Variants in ZNF407 observed in about 807,000 individuals in gnomAD.
ZNF407 encodes zinc finger protein 407.
ZNF407 carries 17 observed loss-of-function variants against 131.2 expected under a neutral mutation model. That is an observed-to-expected ratio of 0.13 (90% confidence interval 0.09 to 0.19). The LOEUF (loss-of-function observed/expected upper bound fraction) is 0.19. Ranked by LOEUF, ZNF407 falls within the 10% of genes least tolerant of loss-of-function variation. The pLI, the probability that ZNF407 is intolerant of heterozygous loss-of-function variation, is 1.00. For synonymous variants in ZNF407, 1,156 were observed against 1,062.0 expected, an observed-to-expected ratio of 1.09 and a Z score of -1.72; for missense variants, 2,681 against 2,830.6, an observed-to-expected ratio of 0.95 and a Z score of 1.20.
intron 4 of ZNF407, among the ~76,000 whole-genome samples, chr18:74,802,420 G>A (rs1970035556): frequency 6.6e-6 from 1 of 152,066 alleles, no homozygotes; most frequent in Non-Finnish European, 1.5e-5. Context: ...TGTGGAAAAG[G>A]CATTTTTATT....
intron 3 of ZNF407, among the ~76,000 whole-genome samples, chr18:74,707,831 T>G (rs765832666): frequency 1.3e-5 from 2 of 152,252 alleles, no homozygotes; most frequent in Non-Finnish European, 2.9e-5. Flanking sequence ...CATCTGGTGC[T>G]GTGCTGCCAC....
chr18:74,870,302 T>C (rs1347113319), intron 4 of ZNF407, among the ~76,000 whole-genome samples: 1 of 152,184 alleles, frequency 6.6e-6, no homozygotes, highest in Non-Finnish European at 1.5e-5. Flanking sequence ...CTTTTCCAAC[T>C]AGTTAACAAG....
intron 3 of ZNF407, among the ~76,000 whole-genome samples, chr18:74,756,596 G>A (rs1311557582): frequency 1.3e-5 from 2 of 152,024 alleles, no homozygotes; most frequent in Non-Finnish European, 2.9e-5. Context: ...CTTTGTTAGT[G>A]CATAGAAACA....
chr18:74,821,413 C>G (rs550154189), intron 4 of ZNF407, among the ~76,000 whole-genome samples: 1 of 152,066 alleles, frequency 6.6e-6, no homozygotes, highest in Admixed American at 6.5e-5. Context: ...AATGCTATCC[C>G]TCCCCTAGTC....
intron 4 of ZNF407, among the ~76,000 whole-genome samples, chr18:74,793,383 T>C (rs1219506452): frequency 2.0e-5 from 3 of 152,204 alleles, no homozygotes; most frequent in Non-Finnish European, 4.4e-5. Flanking sequence ...AATAAGGTAG[T>C]TTTGTGTCTT....
At chr18:74,604,159 G>A (rs1401290036) in intron 1 of ZNF407, among the ~76,000 whole-genome samples, 6 of 152,140 alleles carry the variant, frequency 3.9e-5, no homozygotes, top group Non-Finnish European at 7.4e-5. Context: ...GATAAGAGAG[G>A]TCACCTCCTC....
Position 75,035,787 on chromosome 18 carries a change from C to T in ZNF407, c.5429-27363C>T, listed in dbSNP as rs115257171. Among the ~76,000 whole-genome samples the T allele has an allele frequency of 6.3e-3, 965 of 152,288 alleles. 12 individuals are homozygous for T. Among genetic ancestry groups the T allele is most frequent in the African/African-American group, 0.022 (917 of 41,550 alleles). On this transcript the variant is annotated intron_variant, in intron 8 of 8. Coordinates refer to ENST00000299687, the MANE Select transcript of ZNF407 (RefSeq NM_017757.3). ...TCGCCTCTGGAATACATTGCAAATGCCAGTTCTTGACTTCTGAGGATTCCA... is the reference window on the plus strand; with the variant it reads ...TCGCCTCTGGAATACATTGCAAATGTCAGTTCTTGACTTCTGAGGATTCCA...
At chr18:74,704,423 G>A (rs1446648835) in intron 3 of ZNF407, among the ~76,000 whole-genome samples, 3 of 152,126 alleles carry the variant, frequency 2.0e-5, no homozygotes, top group Non-Finnish European at 4.4e-5. Flanking sequence ...AAAAAGGCCG[G>A]TTCAGTAGAG....
At chr18:74,832,022 G>T (rs888930904) in intron 4 of ZNF407, among the ~76,000 whole-genome samples, 6 of 152,156 alleles carry the variant, frequency 3.9e-5, no homozygotes, top group Non-Finnish European at 8.8e-5. Context: ...AAGCCTTGGC[G>T]CTGTGAAAAT....
At chr18:74,677,177 G>A (rs142364563) in intron 3 of ZNF407, among the ~76,000 whole-genome samples, 398 of 152,240 alleles carry the variant, frequency 2.6e-3, no homozygotes, top group African/African-American at 5.2e-3. Flanking sequence ...TGCATCCTCC[G>A]CCTCCTGGGC....
At chr18:75,026,978 A>G (rs1411353217) in intron 8 of ZNF407, among the ~76,000 whole-genome samples, 4 of 152,206 alleles carry the variant, frequency 2.6e-5, no homozygotes, top group Non-Finnish European at 4.4e-5. Flanking sequence ...TGCATTCTAC[A>G]TATGAATAGG....
intron 1 of ZNF407, among the ~76,000 whole-genome samples, chr18:74,608,215 T>A (rs961455799): frequency 1.1e-4 from 17 of 152,244 alleles, no homozygotes; most frequent in African/African-American, 4.1e-4. Flanking sequence ...TAACAATTAA[T>A]CTAAAACATT....
chr18:74,763,575 T>G (rs1969150618), intron 3 of ZNF407, among the ~76,000 whole-genome samples: 1 of 151,884 alleles, frequency 6.6e-6, no homozygotes, highest in South Asian at 2.1e-4. Flanking sequence ...ATATTTACGG[T>G]CTGTGATTCA....
At chr18:75,028,656 G>T (rs756026820) in intron 8 of ZNF407, among the ~76,000 whole-genome samples, 1 of 152,176 alleles carries the variant, frequency 6.6e-6, no homozygotes, top group Non-Finnish European at 1.5e-5. Flanking sequence ...CGGGAATTCC[G>T]CTAGGTACTG....
chr18:74,646,756 C>T (rs553551006), intron 3 of ZNF407, among the ~76,000 whole-genome samples: 4 of 152,280 alleles, frequency 2.6e-5, no homozygotes, highest in South Asian at 4.1e-4. Flanking sequence ...ATATCATCCT[C>T]GTGTATTTTC....
At chr18:74,734,494 TTTCTC>T (rs1968365228) in intron 3 of ZNF407, among the ~76,000 whole-genome samples, 3 of 152,318 alleles carry the variant, frequency 2.0e-5, no homozygotes, top group Admixed American at 2.0e-4. Flanking sequence ...GTATGATAGT[TTTCTC>T]TTCTATAGGT....
At chr18:74,806,480 A>G (rs1274473596) in intron 4 of ZNF407, among the ~76,000 whole-genome samples, 7 of 152,184 alleles carry the variant, frequency 4.6e-5, no homozygotes, top group Non-Finnish European at 5.9e-5. Context: ...AAGTAGCTTT[A>G]TTTCCATGGA....
chr18:74,724,647 CT>C (rs1277766487), intron 3 of ZNF407, among the ~76,000 whole-genome samples: 1 of 152,084 alleles, frequency 6.6e-6, no homozygotes, highest in Non-Finnish European at 1.5e-5. Flanking sequence ...GTGGGAAGTG[CT>C]TTCCTATGCC....
chr18:74,998,404 C>G (rs1972803615), intron 8 of ZNF407, among the ~76,000 whole-genome samples: 1 of 152,196 alleles, frequency 6.6e-6, no homozygotes, highest in Admixed American at 6.5e-5. Context: ...CACTACAGGC[C>G]TTTGATGGGT....
Sources: gnomAD v4.1 joint callset for allele counts (sites outside exome capture counted in the v4.1 genomes callset) on GRCh38, gnomAD v4.1.1 for gene constraint, MANE v1.5 for transcripts, NCBI Gene and HGNC (gene_info 2026-07-23, HGNC 2026-07-21) for gene names.